The following SH3GL3 variants were observed in gnomAD, a reference collection of about 807,000 sequenced individuals.
SH3GL3 encodes the protein SH3 domain containing GRB2 like 3, endophilin A3.
Under a neutral mutation model 47.7 loss-of-function variants are expected in SH3GL3, and 33 were observed. The ratio of observed to expected loss-of-function variants is 0.69; its 90% CI spans 0.52 to 0.92. The LOEUF (loss-of-function observed/expected upper bound fraction) is 0.92. Ranked by LOEUF, SH3GL3 falls within the 40% of genes least tolerant of loss-of-function variation. The pLI is 0.00. For synonymous variants in SH3GL3, 155 were observed against 148.8 expected, an observed-to-expected ratio of 1.04 and a Z score of -0.30; for missense variants, 363 against 417.8, an observed-to-expected ratio of 0.87 and a Z score of 1.14.
At chr15:83,481,949 C>T (rs1202521121) in intron 1 of SH3GL3, among the ~76,000 whole-genome samples, 2 of 152,118 alleles carry the variant, frequency 1.3e-5, no homozygotes, top group Non-Finnish European at 2.9e-5. Flanking sequence ...GAAGATGGCA[C>T]TAAAGAGGGG....
At chr15:83,622,528 C>A (rs1459928695), downstream of SH3GL3, among the ~76,000 whole-genome samples, 1 of 152,214 alleles carries the variant, frequency 6.6e-6, no homozygotes, top group Non-Finnish European at 1.5e-5. Flanking sequence ...CAAAAAGGTT[C>A]AGCAATTTAC....
chr15:83,509,937 A>C (rs1418210395), intron 1 of SH3GL3, among the ~76,000 whole-genome samples: 1 of 152,180 alleles, frequency 6.6e-6, no homozygotes, highest in Non-Finnish European at 1.5e-5. Context: ...TCTTTGATTT[A>C]GTCCTTTCAC....
At chr15:83,568,139 C>T (rs548530580) in intron 3 of SH3GL3, among the ~76,000 whole-genome samples, 63 of 152,092 alleles carry the variant, frequency 4.1e-4, no homozygotes, top group Non-Finnish European at 5.9e-4. Context: ...TGTGCCACCA[C>T]GCCCAGCTAA....
At chr15:83,467,724 G>A (rs1312198770) in intron 1 of SH3GL3, among the ~76,000 whole-genome samples, 1 of 152,166 alleles carries the variant, frequency 6.6e-6, no homozygotes, top group Admixed American at 6.5e-5. Context: ...TCAGCATTTT[G>A]TAGTTGTCAG....
chr15:83,549,675 A>G (rs2044566689), intron 1 of SH3GL3, among the ~76,000 whole-genome samples: 1 of 152,218 alleles, frequency 6.6e-6, no homozygotes, highest in South Asian at 2.1e-4. Flanking sequence ...AGCTTAGGAA[A>G]TGTCAAAAGC....
At chr15:83,558,595 C>T (rs1376094979) in intron 1 of SH3GL3, among the ~76,000 whole-genome samples, 1 of 152,012 alleles carries the variant, frequency 6.6e-6, no homozygotes, top group African/African-American at 2.4e-5. Context: ...CAGGACAGCC[C>T]CCACAACAGA....
intron 2 of SH3GL3, among the ~76,000 whole-genome samples, chr15:83,561,642 G>A (rs929141630): frequency 1.1e-4 from 16 of 152,132 alleles, no homozygotes; most frequent in African/African-American, 3.6e-4. Context: ...TAGAAAAGCT[G>A]TAAGACAACA....
intron 8 of SH3GL3, among the ~76,000 whole-genome samples, chr15:83,615,486 T>G (rs1448869463): frequency 6.6e-6 from 1 of 152,098 alleles, no homozygotes. Context: ...GGCTAACTTT[T>G]GTATTTTTAG....
chr15:83,493,108 T>C (rs957495285), intron 1 of SH3GL3, among the ~76,000 whole-genome samples: 1 of 152,166 alleles, frequency 6.6e-6, no homozygotes, highest in Admixed American at 6.5e-5. Flanking sequence ...TTTCTTTAGG[T>C]TTGATTGTTG....
chr15:83,555,189 AT>A (rs2044881773), intron 1 of SH3GL3, among the ~76,000 whole-genome samples: 2 of 152,146 alleles, frequency 1.3e-5, no homozygotes, highest in African/African-American at 4.8e-5. Flanking sequence ...TGACTATATA[AT>A]ACTTTTTGTT....
At chr15:83,480,953 G>A (rs1283213362) in intron 1 of SH3GL3, among the ~76,000 whole-genome samples, 1 of 152,012 alleles carries the variant, frequency 6.6e-6, no homozygotes, top group Non-Finnish European at 1.5e-5. Flanking sequence ...CTTCTTGCCT[G>A]GTGCCTGTTT....
At chr15:83,533,753 G>A (rs1046449885) in intron 1 of SH3GL3, among the ~76,000 whole-genome samples, 15 of 152,122 alleles carry the variant, frequency 9.9e-5, no homozygotes, top group African/African-American at 3.6e-4. Flanking sequence ...GGAAAGTGGG[G>A]CAGGGAAGTT....
chr15:83,601,414 T>A (rs2060374779), intron 8 of SH3GL3, among the ~76,000 whole-genome samples: 1 of 152,206 alleles, frequency 6.6e-6, no homozygotes, highest in African/African-American at 2.4e-5. Flanking sequence ...GAAGGGATGC[T>A]GGATTCTGCA....
intron 6 of SH3GL3, among the ~76,000 whole-genome samples, chr15:83,585,786 A>G (rs1263153988): frequency 6.6e-6 from 1 of 152,220 alleles, no homozygotes; most frequent in African/African-American, 2.4e-5. Flanking sequence ...TCGGATGCTG[A>G]TCACAGCTTG....
intron 1 of SH3GL3, among the ~76,000 whole-genome samples, chr15:83,517,669 T>TG (rs2043042161): frequency 1.3e-5 from 2 of 152,202 alleles, no homozygotes; most frequent in Non-Finnish European, 2.9e-5. Flanking sequence ...GAATATATAT[T>TG]CATTCTGGAT....
chr15:83,537,603 C>G (rs1306557014), intron 1 of SH3GL3, among the ~76,000 whole-genome samples: 1 of 151,020 alleles, frequency 6.6e-6, no homozygotes, highest in Non-Finnish European at 1.5e-5. Context: ...TCTGTTGATC[C>G]TTATTGCTTT....
rs183225197 is a variant in SH3GL3, at chr15:83,563,511, C to T, written c.115-1623C>T. Among the ~76,000 whole-genome samples the T allele has an allele frequency of 2.3e-3, 347 of 152,228 alleles. 3 individuals are homozygous for T. Among genetic ancestry groups the T allele is most frequent in the African/African-American group, 7.4e-3 (306 of 41,528 alleles). The stretch of plus-strand genomic sequence containing the variant: ...TGTGTTACTCCACACCCATATAATA[C>T]CTGATATTGAGTATAACTGATTTTA... On this transcript the variant is annotated intron_variant, in intron 2 of 8. Transcript: ENST00000427482.
the SH3GL3 span, among the ~76,000 whole-genome samples, chr15:83,627,770 T>C: frequency 6.6e-6 from 1 of 152,194 alleles, no homozygotes. Context: ...TTAGGCAATA[T>C]TGGGCGATAA....
intron 8 of SH3GL3, among the ~76,000 whole-genome samples, chr15:83,604,609 A>C (rs888491745): frequency 1.3e-5 from 2 of 152,222 alleles, no homozygotes; most frequent in African/African-American, 4.8e-5. Flanking sequence ...TGATAATAAA[A>C]AAAAGTAACA....
Sources: gnomAD v4.1 joint callset for allele counts (sites outside exome capture counted in the v4.1 genomes callset) on GRCh38, gnomAD v4.1.1 for gene constraint, MANE v1.5 for transcripts, NCBI Gene and HGNC (gene_info 2026-07-23, HGNC 2026-07-21) for gene names.